Variants in SGCZ observed in about 807,000 individuals in gnomAD.
SGCZ encodes the protein zeta-sarcoglycan.
SGCZ carries 40 observed loss-of-function variants against 41.3 expected under a neutral mutation model. The observed-to-expected ratio is 0.97, with a 90% CI of 0.75 to 1.26. SGCZ has a LOEUF of 1.26. SGCZ is among the 50% of genes most tolerant of loss of function. The pLI is 0.00. For missense variants in SGCZ, 552 were observed against 369.8 expected (o/e 1.49, Z -4.04); for synonymous variants, 206 against 137.5 (o/e 1.50, Z -3.49).
chr8:14,436,461 TACACTTTTAAG>T (rs1800096598), intron 2 of SGCZ, among the ~76,000 whole-genome samples: 1 of 152,220 alleles, frequency 6.6e-6, no homozygotes, highest in African/African-American at 2.4e-5. Flanking sequence ...GTGTGGGCCA[TACACTTTTAAG>T]ACACTTTTAA....
At chr8:14,423,927 C>G (rs1054789638) in intron 2 of SGCZ, among the ~76,000 whole-genome samples, 1 of 151,932 alleles carries the variant, frequency 6.6e-6, no homozygotes, top group African/African-American at 2.4e-5. Flanking sequence ...TCAGGTAACT[C>G]ATGAATCATT....
intron 1 of SGCZ, among the ~76,000 whole-genome samples, chr8:15,171,770 G>A (rs1194748251): frequency 2.0e-5 from 3 of 152,168 alleles, no homozygotes; most frequent in Admixed American, 2.0e-4. Flanking sequence ...TGTGGTATGT[G>A]TCGAATAGTA....
chr8:14,709,414 A>G (rs1044546662), intron 1 of SGCZ, among the ~76,000 whole-genome samples: 107 of 152,294 alleles, frequency 7.0e-4, no homozygotes, highest in African/African-American at 2.5e-3. Flanking sequence ...CAAACATTTA[A>G]TTTAGTCATT....
chr8:14,226,566 C>T (rs1261093609), intron 4 of SGCZ, among the ~76,000 whole-genome samples: 1 of 152,092 alleles, frequency 6.6e-6, no homozygotes, highest in East Asian at 1.9e-4. Context: ...TACCATTCCA[C>T]TGTGTTAACA....
At chr8:14,583,539 G>C (rs1257552767) in intron 1 of SGCZ, among the ~76,000 whole-genome samples, 1 of 152,002 alleles carries the variant, frequency 6.6e-6, no homozygotes, top group Non-Finnish European at 1.5e-5. Flanking sequence ...TTTGGCTTTT[G>C]TTGCCATTGC....
intron 2 of SGCZ, among the ~76,000 whole-genome samples, chr8:14,327,628 C>A (rs1302225956): frequency 6.6e-6 from 1 of 152,182 alleles, no homozygotes; most frequent in African/African-American, 2.4e-5. Context: ...TGTGTTATTA[C>A]TTATGCTATG....
At chr8:15,061,537 A>AG (rs1486953163) in intron 1 of SGCZ, among the ~76,000 whole-genome samples, 4 of 151,602 alleles carry the variant, frequency 2.6e-5, no homozygotes, top group African/African-American at 9.7e-5. Flanking sequence ...ATATAAAAAA[A>AG]AAAAACAGGA....
At chr8:14,180,328 G>A (rs943516987) in intron 4 of SGCZ, among the ~76,000 whole-genome samples, 1 of 152,112 alleles carries the variant, frequency 6.6e-6, no homozygotes, top group African/African-American at 2.4e-5. Context: ...AGTCCTTCAA[G>A]CACTGCAGGA....
At chr8:15,041,893 A>G (rs1563461020) in intron 1 of SGCZ, among the ~76,000 whole-genome samples, 1 of 152,188 alleles carries the variant, frequency 6.6e-6, no homozygotes, top group Non-Finnish European at 1.5e-5. Context: ...GTTGATTTTT[A>G]GGTCTGGTCC....
chr8:14,359,826 A>C (rs900036790), intron 2 of SGCZ, among the ~76,000 whole-genome samples: 3 of 152,032 alleles, frequency 2.0e-5, no homozygotes, highest in African/African-American at 7.3e-5. Flanking sequence ...AAAAAAAAAA[A>C]AAACAAATAT....
At chr8:14,670,971 G>T (rs1808081742) in intron 1 of SGCZ, among the ~76,000 whole-genome samples, 1 of 152,170 alleles carries the variant, frequency 6.6e-6, no homozygotes, top group Non-Finnish European at 1.5e-5. Context: ...GAAAGAATAG[G>T]TCAGCCTGGA....
At chr8:15,176,505 T>C (rs368587267) in intron 1 of SGCZ, among the ~76,000 whole-genome samples, 2 of 152,156 alleles carry the variant, frequency 1.3e-5, no homozygotes, top group East Asian at 1.9e-4. Flanking sequence ...TTTCCAAAAA[T>C]TAACTTTTAA....
At chr8:14,778,401 G>C (rs2130425576) in intron 1 of SGCZ, among the ~76,000 whole-genome samples, 1 of 152,184 alleles carries the variant, frequency 6.6e-6, no homozygotes, top group Middle Eastern at 3.4e-3. Context: ...TCATATGCAT[G>C]AATTTGTAAA....
intron 1 of SGCZ, among the ~76,000 whole-genome samples, chr8:15,134,963 G>A (rs575009029): frequency 6.6e-6 from 1 of 152,156 alleles, no homozygotes; most frequent in South Asian, 2.1e-4. Flanking sequence ...GTTTCAAAAT[G>A]TGGTTACTCT....
At chr8:14,388,286 G>A (rs1342799958) in intron 2 of SGCZ, among the ~76,000 whole-genome samples, 1 of 152,048 alleles carries the variant, frequency 6.6e-6, no homozygotes, top group African/African-American at 2.4e-5. Context: ...CAGCCATGTG[G>A]AACAGGAAAT....
At chr8:14,207,715 G>C (rs1049103899) in intron 4 of SGCZ, among the ~76,000 whole-genome samples, 1 of 151,894 alleles carries the variant, frequency 6.6e-6, no homozygotes, top group Non-Finnish European at 1.5e-5. Context: ...GTTACCCTAT[G>C]TTTGAACACC....
chr8:14,461,188 C>T (rs1032352560), intron 2 of SGCZ, among the ~76,000 whole-genome samples: 1 of 152,090 alleles, frequency 6.6e-6, no homozygotes, highest in Non-Finnish European at 1.5e-5. Context: ...CTCCTACATT[C>T]CTTGTAGACA....
Position 14,160,520 on chromosome 8 carries a change from T to C in SGCZ, c.547+4060A>G, listed in dbSNP as rs1585189702. On this transcript the variant is annotated intron_variant, in intron 5 of 7. Coordinates refer to ENST00000382080, the MANE Select transcript of SGCZ (RefSeq NM_139167.4). Reference sequence around the variant, plus strand: ...AATTGTGCATAGGTGAGCTAAAGTATAAAACTCCTATATATTCAGTGATAC... The same window carrying C: ...AATTGTGCATAGGTGAGCTAAAGTACAAAACTCCTATATATTCAGTGATAC... Among the ~76,000 whole-genome samples, 4 of 152,314 alleles carry C rather than the reference T, an allele frequency of 2.6e-5. No individual in the cohort carries two copies. In the East Asian group the frequency reaches 7.7e-4, roughly 29 times the overall value.
chr8:14,712,262 G>A (rs976323570), intron 1 of SGCZ, among the ~76,000 whole-genome samples: 4 of 152,212 alleles, frequency 2.6e-5, no homozygotes, highest in East Asian at 1.9e-4. Context: ...CTTCAGCTCC[G>A]TCCTGAAACC....
Sources: allele counts gnomAD v4.1 joint callset (sites outside exome capture counted in the v4.1 genomes callset), GRCh38; gene constraint gnomAD v4.1.1; transcripts MANE v1.5; gene names NCBI Gene and HGNC (gene_info 2026-07-23, HGNC 2026-07-21).